Variants in CEP112 observed in about 807,000 individuals in gnomAD.
The protein encoded by CEP112 is centrosomal protein of 112 kDa.
In CEP112, 127 loss-of-function variants were observed where a neutral mutation model predicts 153.0. The ratio of observed to expected loss-of-function variants is 0.83; its 90% CI spans 0.72 to 0.96. CEP112 has a LOEUF of 0.96. CEP112 is among the 40% of genes least tolerant of loss of function. The pLI, the probability that CEP112 is intolerant of heterozygous loss-of-function variation, is 0.00. For synonymous variants in CEP112, 358 were observed against 374.4 expected, an observed-to-expected ratio of 0.96 and a Z score of 0.51; for missense variants, 1,089 against 1,101.2, an observed-to-expected ratio of 0.99 and a Z score of 0.16.
chr17:65,762,474 A>G (rs1402338087), intron 21 of CEP112, among the ~76,000 whole-genome samples: 1 of 151,964 alleles, frequency 6.6e-6, no homozygotes, highest in Non-Finnish European at 1.5e-5. Flanking sequence ...CATATTTGCT[A>G]CTACTTTCTA....
At chr17:66,136,996 A>G (rs1047951259) in intron 4 of CEP112, among the ~76,000 whole-genome samples, 9 of 152,330 alleles carry the variant, frequency 5.9e-5, no homozygotes, top group African/African-American at 1.9e-4. Flanking sequence ...AAATGGCCCA[A>G]AGAAAGGAAC....
At chr17:66,035,682 C>T (rs1054231456) in intron 12 of CEP112, among the ~76,000 whole-genome samples, 2 of 152,134 alleles carry the variant, frequency 1.3e-5, no homozygotes, top group African/African-American at 4.8e-5. Context: ...GATGTATAAA[C>T]GGCATAGCAT....
At chr17:65,838,841 CA>C (rs150848133) in intron 21 of CEP112, among the ~76,000 whole-genome samples, 7,122 of 151,984 alleles carry the variant, frequency 0.047, 160 homozygotes, top group Middle Eastern at 0.068. Flanking sequence ...CACAGAAATA[CA>C]AAGTATCAGT....
intron 6 of CEP112, among the ~76,000 whole-genome samples, chr17:66,107,215 T>C (rs2068821557): frequency 6.6e-6 from 1 of 152,092 alleles, no homozygotes; most frequent in African/African-American, 2.4e-5. Context: ...CTGAAAGCCT[T>C]TCCTATAAGA....
intron 20 of CEP112, among the ~76,000 whole-genome samples, chr17:65,883,263 C>CATAT (rs34264279): frequency 0.034 from 4,973 of 146,728 alleles, 116 homozygotes; most frequent in Middle Eastern, 0.063. Context: ...AAGAAGTTTA[C>CATAT]ATATATATAT....
chr17:66,033,434 TAAG>T (rs920987993), intron 12 of CEP112, among the ~76,000 whole-genome samples: 2 of 152,216 alleles, frequency 1.3e-5, no homozygotes, highest in African/African-American at 4.8e-5. Context: ...TCACTCAGAA[TAAG>T]AAGAGACTAT....
rs372455582 is a variant in CEP112, at chr17:65,853,572, T to C, written c.2164-1538A>G. On this transcript the variant is annotated intron_variant, in intron 20 of 26. Coordinates refer to ENST00000535342, the MANE Select transcript of CEP112 (RefSeq NM_001199165.4). ...GGTGAAACCCCGTCTCTACTGAAAA[T>C]GCAAAAATTAGCTGGGCATGGTGGT... 3.2e-3 allele frequency among the ~76,000 whole-genome samples: 479 copies of C among 151,982 alleles called. 3 individuals are homozygous for C. Among genetic ancestry groups the C allele is most frequent in the African/African-American group, 0.011 (453 of 41,452 alleles).
intron 24 of CEP112, among the ~76,000 whole-genome samples, chr17:65,663,776 G>A (rs911267784): frequency 6.6e-6 from 1 of 152,338 alleles, no homozygotes; most frequent in East Asian, 1.9e-4. Flanking sequence ...CAGTTTTGGG[G>A]GGAAGCAAAA....
intron 21 of CEP112, among the ~76,000 whole-genome samples, chr17:65,814,405 T>C (rs1380105747): frequency 6.6e-6 from 1 of 152,200 alleles, no homozygotes; most frequent in African/African-American, 2.4e-5. Flanking sequence ...GTTAAAAGCA[T>C]AGGTTCTGGT....
chr17:66,038,629 A>T (rs563113826), intron 12 of CEP112, among the ~76,000 whole-genome samples: 1 of 152,388 alleles, frequency 6.6e-6, no homozygotes, highest in South Asian at 2.1e-4. Flanking sequence ...CAGACAATGC[A>T]GAAGCAGAAT....
rs2051461792 is a variant in CEP112 at position 65,746,270 on chromosome 17, TG to T, written c.2458-3054del. On this transcript the variant is annotated intron_variant, in intron 22 of 26. Coordinates refer to ENST00000535342, the MANE Select transcript of CEP112 (RefSeq NM_001199165.4). ...GTTCTAAGAAGGACGTGCTTGCTTT[TG>T]TGTGGAAAATAAAACCTTACATTCT... is the stretch of plus-strand genomic sequence containing the variant. Among the ~76,000 whole-genome samples, 6 of 152,128 alleles carry T rather than the reference TG, an allele frequency of 3.9e-5. No homozygotes were observed. In the South Asian group the frequency reaches 1.2e-3, roughly 32 times the overall value.
chr17:65,891,569 C>T (rs1224302542), intron 20 of CEP112, among the ~76,000 whole-genome samples: 4 of 152,182 alleles, frequency 2.6e-5, no homozygotes, highest in African/African-American at 9.6e-5. Flanking sequence ...GTCCTGCTGC[C>T]TCACATACGC....
At chr17:66,180,434 T>C (rs1176131752) in intron 2 of CEP112, among the ~76,000 whole-genome samples, 1 of 152,152 alleles carries the variant, frequency 6.6e-6, no homozygotes, top group Non-Finnish European at 1.5e-5. Context: ...TAATTTTAAT[T>C]ATGTAAACCT....
At chr17:65,653,552 T>C (rs1484757791) in intron 24 of CEP112, among the ~76,000 whole-genome samples, 1 of 152,068 alleles carries the variant, frequency 6.6e-6, no homozygotes, top group East Asian at 1.9e-4. Context: ...ATTGGCCATC[T>C]GGTGTAAGAA....
At chr17:65,708,445 C>G (rs2049018426) in intron 23 of CEP112, among the ~76,000 whole-genome samples, 1 of 152,128 alleles carries the variant, frequency 6.6e-6, no homozygotes, top group African/African-American at 2.4e-5. Flanking sequence ...TTCCATAATT[C>G]CTGCACTCAG....
intron 20 of CEP112, among the ~76,000 whole-genome samples, chr17:65,863,862 G>A (rs2058394270): frequency 4.6e-5 from 7 of 151,634 alleles, no homozygotes; most frequent in Admixed American, 3.3e-4. Context: ...GTGCCTCCAC[G>A]GCCAGGCACA....
intron 24 of CEP112, among the ~76,000 whole-genome samples, chr17:65,653,739 T>C (rs565575297): frequency 6.6e-6 from 1 of 152,134 alleles, no homozygotes; most frequent in African/African-American, 2.4e-5. Context: ...ATAGGCTTTT[T>C]AGGGGAATGA....
At chr17:66,114,689 T>C (rs1247232841) in intron 6 of CEP112, among the ~76,000 whole-genome samples, 1 of 152,024 alleles carries the variant, frequency 6.6e-6, no homozygotes, top group African/African-American at 2.4e-5. Context: ...CCAAAAGGAC[T>C]CTCATGCAGA....
At position 65,993,564 on chromosome 17, in the gene CEP112, A is replaced by C. The variant is rs183244949; in HGVS notation, c.1736+12126T>G. 1.1e-4 allele frequency among the ~76,000 whole-genome samples: 16 copies of C among 152,322 alleles called. No individual in the cohort carries two copies. The East Asian group carries it at 3.1e-3, about 29-fold the overall frequency. On this transcript the variant is annotated intron_variant, in intron 17 of 26. Coordinates refer to ENST00000535342, the MANE Select transcript of CEP112 (RefSeq NM_001199165.4). ...TAAGAATGTTCATTGCAGCACTATT[A>C]ATAATATCCCCAAACCAGAAGCAGC...
Sources: gnomAD v4.1 joint callset for allele counts (sites outside exome capture counted in the v4.1 genomes callset) on GRCh38, gnomAD v4.1.1 for gene constraint, MANE v1.5 for transcripts, NCBI Gene and HGNC (gene_info 2026-07-23, HGNC 2026-07-21) for gene names.